NAALADL2: variants seen among roughly 807,000 people sequenced by gnomAD.
NAALADL2 encodes inactive N-acetylated-alpha-linked acidic dipeptidase-like protein 2.
Under a neutral mutation model 87.2 loss-of-function variants are expected in NAALADL2, and 76 were observed. That is an observed-to-expected ratio of 0.87 (90% CI 0.72 to 1.05). The LOEUF (loss-of-function observed/expected upper bound fraction) is 1.05, where lower values mean the gene tolerates loss of function less well. Among genes scored for constraint, NAALADL2 ranks in the 50% least tolerant of loss-of-function variants. The pLI is 0.00. For synonymous variants in NAALADL2, 354 were observed against 331.0 expected (o/e 1.07, Z -0.75); for missense variants, 1,089 against 945.8 (o/e 1.15, Z -1.99).
At chr3:175,769,669 ATT>A (rs1265535150) in intron 13 of NAALADL2, among the ~76,000 whole-genome samples, 4 of 152,062 alleles carry the variant, frequency 2.6e-5, no homozygotes, top group Admixed American at 6.6e-5. Context: ...GTCAGTCAGG[ATT>A]TTCCAGAGAA....
intron 9 of NAALADL2, among the ~76,000 whole-genome samples, chr3:175,550,869 T>C (rs1714226811): frequency 6.6e-6 from 1 of 152,218 alleles, no homozygotes; most frequent in Non-Finnish European, 1.5e-5. Flanking sequence ...AACATTTGGC[T>C]GATGCCATTT....
chr3:174,864,064 T>C (rs1032375865), intron 1 of NAALADL2: 10 of 455,458 alleles, frequency 2.2e-5, no homozygotes, highest in African/African-American at 1.8e-4. Flanking sequence ...AGAAAGTTGC[T>C]GAAAATGTCA....
intron 3 of NAALADL2, among the ~76,000 whole-genome samples, chr3:174,808,829 T>A (rs1719815626): frequency 6.6e-6 from 1 of 151,298 alleles, no homozygotes; most frequent in Non-Finnish European, 1.5e-5. Flanking sequence ...TGTGTGCACA[T>A]GCATGTGTGT....
At chr3:174,506,628 T>C (rs141358061) in intron 1 of NAALADL2, among the ~76,000 whole-genome samples, 26 of 152,300 alleles carry the variant, frequency 1.7e-4, no homozygotes, top group Non-Finnish European at 3.4e-4. Context: ...AATTTTAAAA[T>C]TAAAAATGAT....
chr3:175,790,544 G>A (rs1752660964), intron 13 of NAALADL2, among the ~76,000 whole-genome samples: 1 of 152,080 alleles, frequency 6.6e-6, no homozygotes, highest in Admixed American at 6.5e-5. Context: ...TATTGTTCTG[G>A]GGATTGGAAT....
intron 11 of NAALADL2, among the ~76,000 whole-genome samples, chr3:175,650,835 C>T (rs1024205995): frequency 1.3e-5 from 2 of 152,142 alleles, no homozygotes; most frequent in African/African-American, 4.8e-5. Context: ...GGAAAGGAAA[C>T]ATTTAGGGTG....
chr3:174,694,228 T>G (rs1412098423), intron 2 of NAALADL2, among the ~76,000 whole-genome samples: 1 of 152,064 alleles, frequency 6.6e-6, no homozygotes, highest in African/African-American at 2.4e-5. Context: ...AAATTCCACA[T>G]AGAGAGAATA....
At chr3:175,276,141 T>TAAA (rs11388464) in intron 4 of NAALADL2, among the ~76,000 whole-genome samples, 1 of 149,560 alleles carries the variant, frequency 6.7e-6, no homozygotes, top group African/African-American at 2.4e-5. Flanking sequence ...CATCATGAAG[T>TAAA]AAAAAAAAAA....
At chr3:175,793,281 C>G (rs139557024) in intron 13 of NAALADL2, among the ~76,000 whole-genome samples, 24 of 147,338 alleles carry the variant, frequency 1.6e-4, no homozygotes, top group Admixed American at 5.4e-4. Context: ...TCAAAAAAAA[C>G]TTTATAACAA....
At chr3:174,743,466 C>G (rs1175838481) in intron 3 of NAALADL2, among the ~76,000 whole-genome samples, 1 of 151,738 alleles carries the variant, frequency 6.6e-6, no homozygotes, top group Non-Finnish European at 1.5e-5. Flanking sequence ...AAAAAGTCTT[C>G]TAACTTGGCT....
At chr3:174,502,778 C>G (rs1718976466) in intron 1 of NAALADL2, among the ~76,000 whole-genome samples, 1 of 152,078 alleles carries the variant, frequency 6.6e-6, no homozygotes, top group Non-Finnish European at 1.5e-5. Context: ...TGCCTGTAAT[C>G]CCAGCAATTT....
intron 1 of NAALADL2, among the ~76,000 whole-genome samples, chr3:174,877,331 G>A (rs1342351301): frequency 6.6e-6 from 1 of 152,098 alleles, no homozygotes; most frequent in Non-Finnish European, 1.5e-5. Flanking sequence ...AAGCTGGCCA[G>A]TGTATCCTTA....
intron 1 of NAALADL2, among the ~76,000 whole-genome samples, chr3:174,990,634 G>T (rs113757746): frequency 6.6e-6 from 1 of 152,054 alleles, no homozygotes; most frequent in Non-Finnish European, 1.5e-5. Context: ...AAGCTGGGTC[G>T]TACATAGGAA....
intron 1 of NAALADL2, among the ~76,000 whole-genome samples, chr3:174,443,963 A>G (rs73050583): frequency 0.02 from 2,905 of 145,570 alleles, 116 homozygotes; most frequent in African/African-American, 0.068. Flanking sequence ...TTGACAGAGT[A>G]GAAAGACATT....
chr3:174,532,549 C>G (rs1721339880), intron 1 of NAALADL2, among the ~76,000 whole-genome samples: 1 of 152,076 alleles, frequency 6.6e-6, no homozygotes, highest in Non-Finnish European at 1.5e-5. Flanking sequence ...ACTCAGAGTA[C>G]TGTTCAAAGA....
intron 2 of NAALADL2, among the ~76,000 whole-genome samples, chr3:175,162,746 T>C (rs1470362810): frequency 6.6e-6 from 1 of 152,186 alleles, no homozygotes; most frequent in Non-Finnish European, 1.5e-5. Context: ...AGCTATAAGA[T>C]AGGCATATCT....
At chr3:175,194,711 G>A (rs1238505653) in intron 2 of NAALADL2, among the ~76,000 whole-genome samples, 1 of 151,552 alleles carries the variant, frequency 6.6e-6, no homozygotes, top group Non-Finnish European at 1.5e-5. Context: ...TGGCTCAGTT[G>A]GTGTGTATTC....
chr3:174,709,114 A>T (rs1730382899), intron 2 of NAALADL2, among the ~76,000 whole-genome samples: 1 of 152,132 alleles, frequency 6.6e-6, no homozygotes. Context: ...ATTTAAATAT[A>T]GTCTCATTTG....
At chr3:174,938,042 G>C (rs1010404862) in intron 1 of NAALADL2, among the ~76,000 whole-genome samples, 2 of 151,916 alleles carry the variant, frequency 1.3e-5, no homozygotes, top group East Asian at 1.9e-4. Flanking sequence ...TTTTATTCTA[G>C]GTTGGGGGGT....
Sources: gnomAD v4.1 joint callset for allele counts (sites outside exome capture counted in the v4.1 genomes callset) on GRCh38, gnomAD v4.1.1 for gene constraint, MANE v1.5 for transcripts, NCBI Gene and HGNC (gene_info 2026-07-23, HGNC 2026-07-21) for gene names.